Variants in MTIF2 observed in about 807,000 individuals in gnomAD.
MTIF2 encodes translation initiation factor IF-2, mitochondrial.
MTIF2 carries 71 observed loss-of-function variants against 83.5 expected under a neutral mutation model. The ratio of observed to expected loss-of-function variants is 0.85; its 90% CI spans 0.70 to 1.04. The LOEUF is 1.04. Among genes scored for constraint, MTIF2 ranks in the 50% least tolerant of loss-of-function variants. The probability of loss-of-function intolerance (pLI) is 0.00; values close to 1 mark genes in which losing one functional copy is unlikely to be tolerated. For missense variants in MTIF2, 957 were observed against 846.5 expected, an observed-to-expected ratio of 1.13 and a Z score of -1.62; for synonymous variants, 319 against 287.1, an observed-to-expected ratio of 1.11 and a Z score of -1.12.
At position 55,237,503 on chromosome 2, in the gene MTIF2, G is replaced by C. The variant is rs899905504; in HGVS notation, c.1871-75C>G. ...AATACGTAATTTCTGACATTCTGTG[G>C]TATAAGAATTAAAGGTATGACAAAA... On this transcript the variant is annotated intron_variant, in intron 14 of 15. Coordinates refer to ENST00000263629, the MANE Select transcript of MTIF2 (RefSeq NM_002453.3). The C allele has an allele frequency of 2.9e-5, 41 of 1,422,718 alleles. No individual in the cohort carries two copies. The African/African-American group carries it at 5.4e-4, about 19-fold the overall frequency. The allele number at this position is 1,422,718 out of a possible 1,614,324, so 88.1% of individuals were successfully genotyped here.
At chr2:55,268,253 GA>G (rs67888234) in intron 2 of MTIF2, among the ~76,000 whole-genome samples, 6 of 140,210 alleles carry the variant, frequency 4.3e-5, no homozygotes, top group South Asian at 4.4e-4. Flanking sequence ...TCTGTCTAAA[GA>G]AAAAAAAAAG....
intron 5 of MTIF2, among the ~76,000 whole-genome samples, chr2:55,260,814 T>C (rs1046241780): frequency 6.6e-5 from 10 of 152,196 alleles, no homozygotes; most frequent in Non-Finnish European, 1.5e-4. Context: ...AATAACAGGG[T>C]ATTTCTCATA....
chr2:55,265,853 T>A lies in MTIF2; in HGVS notation c.-8+1716A>T, dbSNP rs536488734. ...AACAATTGTGGATCGAAAATTTTTT[T>A]AATTTTTTAAAAAGATGGTTCTGTC... On this transcript the variant is annotated intron_variant, in intron 3 of 15. Coordinates refer to ENST00000263629, the MANE Select transcript of MTIF2 (RefSeq NM_002453.3). Among the ~76,000 whole-genome samples, 4 of 152,338 alleles carry A rather than the reference T, an allele frequency of 2.6e-5. No homozygotes were observed. In the East Asian group the frequency reaches 7.7e-4, roughly 29 times the overall value.
rs757868130 is a variant in MTIF2, at chr2:55,254,031, G to A, written c.664+10C>T. The A allele has an allele frequency of 6.2e-6, 10 of 1,613,626 alleles. No homozygotes were observed. The highest frequency in any genetic ancestry group is 8.5e-6 in the Non-Finnish European group (10 of 1,179,882). On this transcript the variant is annotated intron_variant, in intron 7 of 15. Transcript: ENST00000263629. ...TCCCAAGCACATTGTAAGGTAATTT[G>A]TGTTCATACCAAGAAAGGCACCAAT...
intron 7 of MTIF2, 58 bp from the exon 8 acceptor site, chr2:55,252,711 A>G: frequency 7.9e-7 from 1 of 1,258,498 alleles, no homozygotes. Flanking sequence ...CCTTAATACC[A>G]AAGAATATAT....
chr2:55,253,979 C>T (rs1298488873), intron 7 of MTIF2, 62 bp downstream of exon 7: 1 of 1,535,488 alleles, frequency 6.5e-7, no homozygotes. Flanking sequence ...CATACTATGA[C>T]ATTTAGTTTA....
At chr2:55,266,977 C>A (rs1174072769) in intron 3 of MTIF2, among the ~76,000 whole-genome samples, 1 of 151,880 alleles carries the variant, frequency 6.6e-6, no homozygotes, top group East Asian at 1.9e-4. Context: ...ACCATGTTGG[C>A]CAGGCTAGTC....
chr2:55,237,526 A>C (rs1313499662), intron 14 of MTIF2, 98 bp from the exon 15 acceptor site: 1 of 1,194,336 alleles, frequency 8.4e-7, no homozygotes, highest in Non-Finnish European at 1.1e-6. Context: ...AGGTATGACA[A>C]AAATCCAAAT....
At chr2:55,259,523 C>A in intron 5 of MTIF2, among the ~76,000 whole-genome samples, 1 of 150,178 alleles carries the variant, frequency 6.7e-6, no homozygotes, top group East Asian at 1.9e-4. Context: ...AAAAAGGAGT[C>A]CTCATCTTTT....
At chr2:55,249,586 G>C (rs1676947393) in intron 8 of MTIF2, 52 bp from the exon 9 acceptor site, 1 of 1,588,638 alleles carries the variant, frequency 6.3e-7, no homozygotes, top group Non-Finnish European at 8.6e-7. Context: ...TTCAATTCCA[G>C]GTATTCACAG....
chr2:55,248,878 G>A (rs1007822014), intron 9 of MTIF2, among the ~76,000 whole-genome samples: 1 of 152,154 alleles, frequency 6.6e-6, no homozygotes, highest in Non-Finnish European at 1.5e-5. Flanking sequence ...GCTCACACTT[G>A]TAATCTCGGT....
chr2:55,246,249 A>G, intron 10 of MTIF2, 88 bp downstream of exon 10: 1 of 1,247,792 alleles, frequency 8.0e-7, no homozygotes, highest in Non-Finnish European at 1.1e-6. Context: ...ACTAACAATA[A>G]CATGTAACAA....
Position 55,263,640 on chromosome 2 carries a change from C to A in MTIF2, c.219G>T (p.Lys73Asn), listed in dbSNP as rs1678209981. ...AAAAAAAAAAGAAATCTGTAACTAC[C>A]TTTTTTGTTACTAGAAGCCTATACT... ...LSQYRLLVTK[K>N]EEGPWKSQLS... The change falls in exon 4 of 16, where the codon AAG becomes AAT. Residue 73 changes from lysine to asparagine, a missense_variant and splice_region_variant. Coordinates refer to ENST00000263629, the MANE Select transcript of MTIF2 (RefSeq NM_002453.3). 6.3e-7 allele frequency: 1 copy of A among 1,588,754 alleles called. No individual in the cohort carries two copies.
intron 14 of MTIF2, among the ~76,000 whole-genome samples, chr2:55,237,776 G>C (rs149181743): frequency 9.0e-5 from 13 of 145,158 alleles, no homozygotes; most frequent in African/African-American, 3.3e-4. Context: ...TCAGCCTCCC[G>C]AGTAGCTGGG....
intron 5 of MTIF2, among the ~76,000 whole-genome samples, chr2:55,259,939 G>A (rs1677833764): frequency 6.6e-6 from 1 of 151,704 alleles, no homozygotes; most frequent in Non-Finnish European, 1.5e-5. Flanking sequence ...GCAAGACTCT[G>A]CTTCAAAAAA....
At chr2:55,263,400 C>T (rs1405173576) in intron 4 of MTIF2, among the ~76,000 whole-genome samples, 2 of 152,128 alleles carry the variant, frequency 1.3e-5, no homozygotes, top group Admixed American at 1.3e-4. Context: ...GATTTGTACT[C>T]ATGGTTCTAG....
At chr2:55,264,840 T>C (rs868844730) in intron 3 of MTIF2, among the ~76,000 whole-genome samples, 3 of 152,302 alleles carry the variant, frequency 2.0e-5, no homozygotes, top group East Asian at 1.9e-4. Context: ...ATTAGTAATA[T>C]AGTTCTTTTC....
chr2:55,268,377 A>G (rs1229321183), intron 2 of MTIF2, among the ~76,000 whole-genome samples: 1 of 152,220 alleles, frequency 6.6e-6, no homozygotes, highest in Non-Finnish European at 1.5e-5. Context: ...TAGAGTGCTC[A>G]GGTAACACAG....
At chr2:55,257,637 G>A (rs1677645941) in intron 5 of MTIF2, among the ~76,000 whole-genome samples, 1 of 152,110 alleles carries the variant, frequency 6.6e-6, no homozygotes, top group Admixed American at 6.6e-5. Flanking sequence ...GTGCAAATAT[G>A]CCCACCATGG....
Sources: allele counts gnomAD v4.1 joint callset (sites outside exome capture counted in the v4.1 genomes callset), GRCh38; gene constraint gnomAD v4.1.1; transcripts MANE v1.5; gene names NCBI Gene and HGNC (gene_info 2026-07-23, HGNC 2026-07-21).